ZDHHC21: variants seen among roughly 807,000 people sequenced by gnomAD.
The protein encoded by ZDHHC21 is zDHHC palmitoyltransferase 21.
A neutral mutation model predicts 34.6 loss-of-function variants in ZDHHC21; 15 were observed. The observed-to-expected ratio is 0.43, with a 90% CI of 0.29 to 0.67. The LOEUF is 0.67. Among genes scored for constraint, ZDHHC21 ranks in the 30% least tolerant of loss-of-function variants. The probability of loss-of-function intolerance (pLI) is 0.14; values close to 1 mark genes in which losing one functional copy is unlikely to be tolerated. For synonymous variants in ZDHHC21, 142 were observed against 101.8 expected (o/e 1.40, Z -2.38); for missense variants, 344 against 327.7 (o/e 1.05, Z -0.38).
At chr9:14,676,907 CTTTAA>C (rs1836497179) in intron 3 of ZDHHC21, among the ~76,000 whole-genome samples, 1 of 151,890 alleles carries the variant, frequency 6.6e-6, no homozygotes, top group African/African-American at 2.4e-5. Context: ...ACCTTTCTTT[CTTTAA>C]TTTTTCAGTT....
At chr9:14,601,751 G>A in the ZDHHC21 span, among the ~76,000 whole-genome samples, 1 of 152,164 alleles carries the variant, frequency 6.6e-6, no homozygotes, top group Admixed American at 6.5e-5. Flanking sequence ...CAACCCAGTT[G>A]TGCATCAATG....
chr9:14,666,323 A>G, intron 5 of ZDHHC21, among the ~76,000 whole-genome samples: 3 of 133,424 alleles, frequency 2.2e-5, no homozygotes, highest in African/African-American at 8.1e-5. Context: ...TATGCACCCA[A>G]TACAGGAGCA....
chr9:14,601,335 A>G, the ZDHHC21 span, among the ~76,000 whole-genome samples: 2 of 152,262 alleles, frequency 1.3e-5, no homozygotes, highest in South Asian at 4.1e-4. Context: ...AAGTGTGCAA[A>G]GGATATGAAC....
At chr9:14,646,128 C>G (rs1277642941) in intron 7 of ZDHHC21, among the ~76,000 whole-genome samples, 3 of 151,954 alleles carry the variant, frequency 2.0e-5, no homozygotes, top group African/African-American at 7.3e-5. Flanking sequence ...TTTATAACCT[C>G]CAAAAACTAG....
At chr9:14,683,848 C>A (rs1837807966) in intron 2 of ZDHHC21, 1 of 152,102 alleles carries the variant, frequency 6.6e-6, no homozygotes, top group East Asian at 1.9e-4. Context: ...AAAAGCTTAC[C>A]CACCATGATC....
At chr9:14,650,704 G>C (rs532315924) in intron 7 of ZDHHC21, among the ~76,000 whole-genome samples, 4 of 151,980 alleles carry the variant, frequency 2.6e-5, no homozygotes, top group Middle Eastern at 3.4e-3. Context: ...TAATTCTGTA[G>C]GAACAGTTCT....
Position 14,658,627 on chromosome 9 carries a change from T to A in ZDHHC21, c.504+122A>T, listed in dbSNP as rs1386504521. 8 of 717,526 alleles carry A rather than the reference T, an allele frequency of 1.1e-5. No homozygotes were observed. The Admixed American group carries it at 1.2e-4, about 11-fold the overall frequency. The allele number at this position is 717,526 out of a possible 1,614,324, so 44.4% of individuals were successfully genotyped here. On this transcript the variant is annotated intron_variant, in intron 7 of 9. Coordinates refer to ENST00000380916, the MANE Select transcript of ZDHHC21 (RefSeq NM_178566.6). ...GCTGGGACTACAGGCGCCCGCCACC[T>A]CGCCCGGCTAATTTTTTGTATTTTT... is the stretch of plus-strand genomic sequence containing the variant.
At chr9:14,692,406 C>G (rs763877409) in intron 1 of ZDHHC21, among the ~76,000 whole-genome samples, 1 of 152,130 alleles carries the variant, frequency 6.6e-6, no homozygotes, top group Non-Finnish European at 1.5e-5. Flanking sequence ...TGGACTGTAA[C>G]TTTACAATAT....
intron 7 of ZDHHC21, among the ~76,000 whole-genome samples, chr9:14,650,569 G>A (rs1446256671): frequency 2.0e-5 from 3 of 151,882 alleles, no homozygotes; most frequent in East Asian, 1.9e-4. Flanking sequence ...GTACTCAGGC[G>A]ACTTTAAAAC....
intron 1 of ZDHHC21, 36 bp downstream of exon 1, chr9:14,693,193 G>C (rs1045195002): frequency 5.9e-6 from 2 of 336,920 alleles, no homozygotes; most frequent in Non-Finnish European, 1.2e-5. Flanking sequence ...GATGGGGGTG[G>C]GGGCGGCCGC....
the ZDHHC21 span, among the ~76,000 whole-genome samples, chr9:14,592,908 A>G: frequency 6.6e-6 from 1 of 152,220 alleles, no homozygotes; most frequent in African/African-American, 2.4e-5. Context: ...ACATACTTCT[A>G]AACAATCCAT....
chr9:14,616,762 C>T lies in ZDHHC21; in HGVS notation c.*2204G>A, dbSNP rs1232290484. On this transcript the variant is annotated 3_prime_UTR_variant, in exon 10 of 10. Transcript: ENST00000380916. ...CTTATGTATATATACTGATAGATAG[C>T]ATTTCTGCATTCAAATAAAATAAGT... is the stretch of plus-strand genomic sequence containing the variant. 6.6e-6 allele frequency: 1 copy of T among 151,658 alleles called. No homozygotes were observed. The highest frequency in any genetic ancestry group is 1.9e-4 in the East Asian group (1 of 5,174). The allele number at this position is 151,658 out of a possible 1,614,324, so 9.4% of individuals were successfully genotyped here. A position where few individuals can be genotyped will look rare whatever the true frequency, so the allele number is the denominator to read the frequency against.
Position 14,611,519 on chromosome 9 carries a change from G to C in ZDHHC21, c.*7447C>G, listed in dbSNP as rs1000201879. ...CAGCACTCAGATCTATACATATTAT[G>C]TACTGAATAATAAAATGCCTGACAA... On this transcript the variant is annotated 3_prime_UTR_variant, in exon 10 of 10. Transcript: ENST00000380916. 2 of 152,008 alleles carry C rather than the reference G, an allele frequency of 1.3e-5. No homozygotes were observed. Among genetic ancestry groups the C allele is most frequent in the African/African-American group, 4.8e-5 (2 of 41,434 alleles). 9.4% of individuals were successfully genotyped at this position (152,008 alleles called of 1,614,324 possible).
intron 1 of ZDHHC21, among the ~76,000 whole-genome samples, chr9:14,692,910 T>TA (rs1363430738): frequency 6.6e-6 from 1 of 151,180 alleles, no homozygotes; most frequent in African/African-American, 2.4e-5. Flanking sequence ...AATAAATAAA[T>TA]AAATAACTAG....
At chr9:14,632,386 A>G (rs965204609) in intron 8 of ZDHHC21, among the ~76,000 whole-genome samples, 1 of 152,104 alleles carries the variant, frequency 6.6e-6, no homozygotes, top group Non-Finnish European at 1.5e-5. Flanking sequence ...TGGGACAACT[A>G]GGTATCTACT....
At chr9:14,639,324 C>G (rs899242451) in intron 8 of ZDHHC21, among the ~76,000 whole-genome samples, 26 of 151,960 alleles carry the variant, frequency 1.7e-4, no homozygotes, top group Admixed American at 1.7e-3. Context: ...TCATGGAGGT[C>G]AAGAATTGAA....
At chr9:14,690,946 CTAA>C (rs1354632786) in intron 1 of ZDHHC21, among the ~76,000 whole-genome samples, 1 of 152,030 alleles carries the variant, frequency 6.6e-6, no homozygotes, top group Non-Finnish European at 1.5e-5. Context: ...AATCTGAGCC[CTAA>C]TGTTTTACTA....
intron 5 of ZDHHC21, among the ~76,000 whole-genome samples, chr9:14,665,199 A>C (rs1834188850): frequency 7.2e-6 from 1 of 139,216 alleles, no homozygotes; most frequent in African/African-American, 2.8e-5. Context: ...TACGTGAAGA[A>C]TGCAGAAGCC....
At chr9:14,601,337 G>GTAT in the ZDHHC21 span, among the ~76,000 whole-genome samples, 1 of 152,026 alleles carries the variant, frequency 6.6e-6, no homozygotes, top group Non-Finnish European at 1.5e-5. Flanking sequence ...GTGTGCAAAG[G>GTAT]ATATGAACAG....
Sources: allele counts gnomAD v4.1 joint callset (sites outside exome capture counted in the v4.1 genomes callset), GRCh38; gene constraint gnomAD v4.1.1; transcripts MANE v1.5; gene names NCBI Gene and HGNC (gene_info 2026-07-23, HGNC 2026-07-21).